MAPKAP1: variants seen among roughly 807,000 people sequenced by gnomAD.
MAPKAP1 encodes the protein target of rapamycin complex 2 subunit MAPKAP1.
A neutral mutation model predicts 65.7 loss-of-function variants in MAPKAP1; 20 were observed. That is an observed-to-expected ratio of 0.30 (90% confidence interval 0.21 to 0.44). The LOEUF (loss-of-function observed/expected upper bound fraction) is 0.44. MAPKAP1 is among the 20% of genes least tolerant of loss of function. The pLI is 1.00. For synonymous variants in MAPKAP1, 222 were observed against 244.3 expected, an observed-to-expected ratio of 0.91 and a Z score of 0.85; for missense variants, 423 against 648.0, an observed-to-expected ratio of 0.65 and a Z score of 3.77.
intron 4 of MAPKAP1, among the ~76,000 whole-genome samples, chr9:125,624,867 G>A (rs1833050332): frequency 1.2e-5 from 1 of 86,322 alleles, no homozygotes; most frequent in African/African-American, 4.1e-5. Context: ...AAGTAGACAT[G>A]GGAGACTTTT....
At chr9:125,606,061 T>C (rs1019203651) in intron 4 of MAPKAP1, among the ~76,000 whole-genome samples, 3 of 152,186 alleles carry the variant, frequency 2.0e-5, no homozygotes, top group Admixed American at 2.0e-4. Flanking sequence ...AAGACGATAA[T>C]TCCTCTGAAA....
chr9:125,693,407 T>C, intron 1 of MAPKAP1, among the ~76,000 whole-genome samples: 1 of 117,340 alleles, frequency 8.5e-6, no homozygotes, highest in African/African-American at 3.7e-5. Context: ...AGAGCGAAAT[T>C]CCGCCTCAAA....
chr9:125,669,477 T>A (rs756736929), intron 3 of MAPKAP1, among the ~76,000 whole-genome samples: 1 of 151,922 alleles, frequency 6.6e-6, no homozygotes, highest in East Asian at 1.9e-4. Flanking sequence ...TGAAACACTA[T>A]CTCAAAAAAA....
chr9:125,482,798 C>A (rs1046508724), intron 9 of MAPKAP1, among the ~76,000 whole-genome samples: 1 of 152,118 alleles, frequency 6.6e-6, no homozygotes, highest in African/African-American at 2.4e-5. Context: ...AAGGTGGGGT[C>A]TGCTTTGGTT....
At chr9:125,444,104 C>T (rs1189729441) in intron 11 of MAPKAP1, among the ~76,000 whole-genome samples, 1 of 152,200 alleles carries the variant, frequency 6.6e-6, no homozygotes, top group African/African-American at 2.4e-5. Context: ...GCTAAAATCA[C>T]CTTCAGCATA....
rs150925519 is a variant in MAPKAP1 at position 125,539,007 on chromosome 9, C to G, written c.958+4052G>C. On this transcript the variant is annotated intron_variant, in intron 7 of 11. Transcript: ENST00000265960. ...CCCCTCTGCTCCTAGTAGTACTTGG[C>G]GGAATAATGTTTGAGAAGCCCCGTA... Among the ~76,000 whole-genome samples the G allele has an allele frequency of 4.5e-3, 686 of 152,250 alleles. 7 individuals are homozygous for G. Among genetic ancestry groups the G allele is most frequent in the African/African-American group, 0.016 (660 of 41,556 alleles).
intron 5 of MAPKAP1, among the ~76,000 whole-genome samples, chr9:125,569,177 T>G (rs1338508531): frequency 3.3e-5 from 5 of 152,206 alleles, no homozygotes; most frequent in Admixed American, 6.5e-5. Context: ...TTTATGCCCT[T>G]GGGGGCTTGA....
chr9:125,593,244 C>T (rs1832024208), intron 4 of MAPKAP1, among the ~76,000 whole-genome samples: 1 of 152,266 alleles, frequency 6.6e-6, no homozygotes, highest in Middle Eastern at 3.4e-3. Context: ...GAAGATGTTG[C>T]AGTGAGCCAA....
At chr9:125,672,268 G>A (rs1299735729) in intron 2 of MAPKAP1, 48 bp downstream of exon 2, 1 of 1,599,366 alleles carries the variant, frequency 6.3e-7, no homozygotes, top group East Asian at 2.2e-5. Context: ...CCATAAGACT[G>A]TTTACTGATT....
At chr9:125,686,604 AGGTTTT>A (rs1262931425) in intron 1 of MAPKAP1, among the ~76,000 whole-genome samples, 2 of 152,132 alleles carry the variant, frequency 1.3e-5, no homozygotes, top group African/African-American at 4.8e-5. Context: ...CCCATCTAAA[AGGTTTT>A]GGGTGTTTTC....
intron 8 of MAPKAP1, among the ~76,000 whole-genome samples, chr9:125,496,066 C>T (rs1854931816): frequency 1.3e-5 from 2 of 152,304 alleles, no homozygotes; most frequent in Non-Finnish European, 2.9e-5. Context: ...CCTCACAACG[C>T]TTTACAGGGT....
At chr9:125,681,551 G>A (rs1219136705) in intron 1 of MAPKAP1, among the ~76,000 whole-genome samples, 1 of 151,970 alleles carries the variant, frequency 6.6e-6, no homozygotes, top group Non-Finnish European at 1.5e-5. Flanking sequence ...CACTAACCTC[G>A]AAATGCCTCA....
chr9:125,700,032 T>C (rs1157950578), intron 1 of MAPKAP1, among the ~76,000 whole-genome samples: 4 of 152,240 alleles, frequency 2.6e-5, no homozygotes, highest in Admixed American at 2.0e-4. Flanking sequence ...CTAAGGACTA[T>C]GTGAGATTGG....
chr9:125,458,852 C>A (rs1476225132), intron 10 of MAPKAP1, among the ~76,000 whole-genome samples: 2 of 42,960 alleles, frequency 4.7e-5, no homozygotes, highest in Non-Finnish European at 8.8e-5. Context: ...GGGGCTGACC[C>A]CCCCTACCTC....
chr9:125,488,287 T>C (rs1268326367), intron 8 of MAPKAP1, among the ~76,000 whole-genome samples: 2 of 152,192 alleles, frequency 1.3e-5, no homozygotes, highest in African/African-American at 4.8e-5. Flanking sequence ...TCGCCTCCAA[T>C]TCACGCTGCT....
Position 125,505,161 on chromosome 9 carries a change from G to A in MAPKAP1, c.1066+1149C>T, listed in dbSNP as rs545030681. 3.3e-5 allele frequency among the ~76,000 whole-genome samples: 5 copies of A among 152,350 alleles called. No homozygotes were observed. The South Asian group carries it at 1.0e-3, about 32-fold the overall frequency. ...CCAAGAGTTTGAACCGCCGGGCGCG[G>A]TGGCTCACGCCTGTAATCCCAGCAC... On this transcript the variant is annotated intron_variant, in intron 8 of 11. Coordinates refer to ENST00000265960, the MANE Select transcript of MAPKAP1 (RefSeq NM_001006617.3).
intron 5 of MAPKAP1, among the ~76,000 whole-genome samples, chr9:125,560,911 C>A (rs1830873613): frequency 6.6e-6 from 1 of 152,154 alleles, no homozygotes; most frequent in South Asian, 2.1e-4. Context: ...TTGATCTGTT[C>A]AAAGAGGATG....
At chr9:125,512,432 G>A (rs903172633) in intron 7 of MAPKAP1, among the ~76,000 whole-genome samples, 1 of 152,146 alleles carries the variant, frequency 6.6e-6, no homozygotes, top group Non-Finnish European at 1.5e-5. Context: ...TTGCCCATCA[G>A]GAAGCTCAGC....
intron 4 of MAPKAP1, among the ~76,000 whole-genome samples, chr9:125,619,461 A>G (rs1484401162): frequency 6.6e-6 from 1 of 151,802 alleles, no homozygotes; most frequent in African/African-American, 2.4e-5. Context: ...TGGGCGAAAG[A>G]GCAAGACTCC....
Sources: gnomAD v4.1 joint callset for allele counts (sites outside exome capture counted in the v4.1 genomes callset) on GRCh38, gnomAD v4.1.1 for gene constraint, MANE v1.5 for transcripts, NCBI Gene and HGNC (gene_info 2026-07-23, HGNC 2026-07-21) for gene names.